The following ZNF565 variants were observed in gnomAD, a reference collection of about 807,000 sequenced individuals.
ZNF565 encodes zinc finger protein 565.
A neutral mutation model predicts 39.4 loss-of-function variants in ZNF565; 27 were observed. The observed-to-expected ratio is 0.69, with a 90% CI of 0.51 to 0.95. The LOEUF is 0.95. ZNF565 is among the 40% of genes least tolerant of loss of function. The pLI is 0.00. For missense variants in ZNF565, 524 were observed against 621.1 expected (o/e 0.84, Z 1.66); for synonymous variants, 185 against 216.6 (o/e 0.85, Z 1.28).
intron 1 of ZNF565, among the ~76,000 whole-genome samples, chr19:36,242,741 T>C (rs2972538): frequency 6.6e-6 from 1 of 151,992 alleles, no homozygotes; most frequent in Non-Finnish European, 1.5e-5. Context: ...ATAAATAAAA[T>C]GAAAATTAAA....
rs1381212042 is a variant in ZNF565 at position 36,195,083 on chromosome 19, C to T, written c.83G>A (p.Arg28Lys). Residue 28 changes from arginine to lysine, a missense_variant, in exon 3 of 5, where the codon AGG becomes AAG. Transcript: ENST00000304116. ...EEWKCLEPAQ[R>K]DLYREVTLEN... is the part of the protein sequence containing the mutation. ...CAGAGTCACCTCCCTGTACAAGTCC[C>T]TCTGAGCAGGTTCCAGGCACTTCCA... The T allele has an allele frequency of 5.6e-6, 9 of 1,614,064 alleles. No individual in the cohort carries two copies. The highest frequency in any genetic ancestry group is 7.6e-6 in the Non-Finnish European group (9 of 1,180,042).
At chr19:36,217,955 G>C (rs1976682038), upstream of ZNF565, among the ~76,000 whole-genome samples, 2 of 151,744 alleles carry the variant, frequency 1.3e-5, no homozygotes, top group African/African-American at 4.8e-5. Context: ...GGGGGTACTG[G>C]AATAGACAGG....
chr19:36,222,642 AT>A (rs1279795100), intron 1 of ZNF565, among the ~76,000 whole-genome samples: 1 of 151,914 alleles, frequency 6.6e-6, no homozygotes, highest in Non-Finnish European at 1.5e-5. Context: ...TTTTTTTTAT[AT>A]GTTTAAAGGC....
chr19:36,202,453 T>C (rs1400805187), intron 1 of ZNF565, among the ~76,000 whole-genome samples: 1 of 150,032 alleles, frequency 6.7e-6, no homozygotes, highest in Non-Finnish European at 1.5e-5. Flanking sequence ...TCCTAAAAAG[T>C]AAGGAACCCA....
intron 2 of ZNF565, among the ~76,000 whole-genome samples, chr19:36,200,856 C>T (rs1241953012): frequency 2.0e-5 from 3 of 151,976 alleles, no homozygotes; most frequent in Non-Finnish European, 4.4e-5. Context: ...GTGATCTCTG[C>T]TTATGACAAC....
At chr19:36,184,512 G>A (rs972044833) in intron 4 of ZNF565, among the ~76,000 whole-genome samples, 2 of 151,784 alleles carry the variant, frequency 1.3e-5, no homozygotes, top group East Asian at 2.0e-4. Context: ...CAATCCACCC[G>A]CCCTGGCCTC....
At chr19:36,232,373 C>T (rs1355693035) in intron 1 of ZNF565, among the ~76,000 whole-genome samples, 1 of 151,242 alleles carries the variant, frequency 6.6e-6, no homozygotes, top group East Asian at 1.9e-4. Context: ...GCCTTTTTTC[C>T]TCTTCCCTCT....
chr19:36,183,586 C>G lies in ZNF565; in HGVS notation c.380G>C (p.Arg127Thr), dbSNP rs1568408716. The change falls in exon 5 of 5, where the codon AGA becomes ACA. Residue 127 changes from arginine to threonine, a missense_variant. Arg to Thr is a moderately conservative substitution (Grantham distance 71). Transcript: ENST00000304116. ...AAAATAGCACTCTTCATTGACTTGT[C>G]TCTCAAACTGGCCTTCGCATTCCCA... ...ADWECEGQFE[R>T]QVNEECYFKQ... is the part of the protein sequence containing the mutation. The G allele has an allele frequency of 1.9e-6, 3 of 1,614,196 alleles. No homozygotes were observed. Among genetic ancestry groups the G allele is most frequent in the Non-Finnish European group, 1.7e-6 (2 of 1,180,044 alleles).
intron 1 of ZNF565, among the ~76,000 whole-genome samples, chr19:36,213,855 TCA>T (rs974858486): frequency 6.6e-6 from 1 of 151,660 alleles, no homozygotes; most frequent in Non-Finnish European, 1.5e-5. Flanking sequence ...ACCTTTCCAG[TCA>T]CAATATCTTT....
intron 1 of ZNF565, among the ~76,000 whole-genome samples, chr19:36,233,517 C>A (rs558124590): frequency 2.0e-5 from 3 of 152,048 alleles, no homozygotes; most frequent in Admixed American, 2.0e-4. Flanking sequence ...TCAAGAGGAC[C>A]GGCCTCTTGA....
chr19:36,192,551 G>A (rs1471314516), intron 4 of ZNF565, among the ~76,000 whole-genome samples: 1 of 152,006 alleles, frequency 6.6e-6, no homozygotes, highest in African/African-American at 2.4e-5. Flanking sequence ...GACCAGCCTG[G>A]CCAACATAGT....
At chr19:36,209,876 T>TTA (rs1045859761) in intron 1 of ZNF565, among the ~76,000 whole-genome samples, 6 of 151,792 alleles carry the variant, frequency 4.0e-5, no homozygotes, top group Non-Finnish European at 4.4e-5. Flanking sequence ...GCAAATATAT[T>TTA]TATATATATT....
At chr19:36,217,338 C>G (rs2145390881), upstream of ZNF565, among the ~76,000 whole-genome samples, 1 of 151,824 alleles carries the variant, frequency 6.6e-6, no homozygotes, top group East Asian at 1.9e-4. Flanking sequence ...GCTAGGATTA[C>G]AGGCATGAAC....
At chr19:36,237,561 C>T in intron 1 of ZNF565, 1 of 349,328 alleles carries the variant, frequency 2.9e-6, no homozygotes, top group Non-Finnish European at 5.3e-6. Context: ...CACATTTTCA[C>T]TAAAAGTGGG....
intron 1 of ZNF565, among the ~76,000 whole-genome samples, chr19:36,227,389 CA>C (rs35503795): frequency 0.28 from 30,152 of 106,658 alleles, 3,162 homozygotes; most frequent in African/African-American, 0.33. Context: ...GTCTCTGTCA[CA>C]AAAAAAAAAA....
intron 1 of ZNF565, among the ~76,000 whole-genome samples, chr19:36,239,041 C>T (rs1317458732): frequency 1.3e-5 from 2 of 152,158 alleles, no homozygotes; most frequent in Non-Finnish European, 2.9e-5. Flanking sequence ...ACATCCCATC[C>T]CCATTCTTCT....
At chr19:36,183,826 T>A in intron 4 of ZNF565, 93 bp from the exon 5 acceptor site, 1 of 1,164,684 alleles carries the variant, frequency 8.6e-7, no homozygotes, top group South Asian at 1.5e-5. Flanking sequence ...GTGGCTCACA[T>A]CTGTAATCCC....
At chr19:36,225,752 CTTTTTTTTTT>C (rs67760026) in intron 1 of ZNF565, among the ~76,000 whole-genome samples, 6 of 66,724 alleles carry the variant, frequency 9.0e-5, no homozygotes, top group East Asian at 9.0e-4. Context: ...CTTTGTGATT[CTTTTTTTTTT>C]TTTTTTTTTT....
chr19:36,225,686 C>G (rs1249556924), intron 1 of ZNF565, among the ~76,000 whole-genome samples: 1 of 151,644 alleles, frequency 6.6e-6, no homozygotes, highest in East Asian at 1.9e-4. Context: ...AGTCTACCCA[C>G]CTCAGTGTCT....
Sources: allele counts gnomAD v4.1 joint callset (sites outside exome capture counted in the v4.1 genomes callset), GRCh38; gene constraint gnomAD v4.1.1; transcripts MANE v1.5; gene names NCBI Gene and HGNC (gene_info 2026-07-23, HGNC 2026-07-21).